PTER: variants seen among roughly 807,000 people sequenced by gnomAD.
The protein encoded by PTER is N-acetyltaurine hydrolase.
In PTER, 38 loss-of-function variants were observed where a neutral mutation model predicts 29.6. That is an observed-to-expected ratio of 1.28 (90% confidence interval 0.99 to 1.68). The LOEUF is 1.68. Ranked by LOEUF, PTER falls within the 40% of genes most tolerant of loss-of-function variation. PTER has a pLI of 0.00. For synonymous variants in PTER, 172 were observed against 154.5 expected (o/e 1.11, Z -0.84); for missense variants, 482 against 427.8 (o/e 1.13, Z -1.12).
At chr10:16,452,230 C>T (rs575927629) in intron 1 of PTER, among the ~76,000 whole-genome samples, 1,503 of 144,898 alleles carry the variant, frequency 0.01, 7 homozygotes, top group Admixed American at 0.016. Flanking sequence ...CATATATATA[C>T]ATATACATAT....
At chr10:16,453,364 A>G (rs1588587661) in intron 1 of PTER, among the ~76,000 whole-genome samples, 2 of 152,308 alleles carry the variant, frequency 1.3e-5, no homozygotes, top group South Asian at 4.1e-4. Context: ...ACAGACACAC[A>G]TATATACATA....
intron 1 of PTER, among the ~76,000 whole-genome samples, chr10:16,446,311 C>T (rs926414810): frequency 8.6e-5 from 13 of 151,850 alleles, no homozygotes; most frequent in African/African-American, 2.7e-4. Flanking sequence ...CACCACCTCC[C>T]GGGTTCAAGT....
chr10:16,511,433 G>C lies in PTER; in HGVS notation c.*177G>C, dbSNP rs1015866497. On this transcript the variant is annotated 3_prime_UTR_variant, in exon 5 of 5. Coordinates refer to ENST00000535784, the MANE Select transcript of PTER (RefSeq NM_001261836.2). ...ACCAGCTATTACAACTGTGCCTCTA[G>C]GGAGTTACTCAGCCTAATTGAGCCC... 6.5e-6 allele frequency: 4 copies of C among 616,592 alleles called. No individual in the cohort carries two copies. The highest frequency in any genetic ancestry group is 6.0e-5 in the South Asian group (3 of 50,174). 38.2% of individuals were successfully genotyped at this position (616,592 alleles called of 1,614,324 possible).
intron 1 of PTER, among the ~76,000 whole-genome samples, chr10:16,478,335 G>GTTTTTTT (rs34168657): frequency 1.4e-5 from 2 of 140,250 alleles, no homozygotes; most frequent in Non-Finnish European, 1.5e-5. Flanking sequence ...CCTCGTTTCC[G>GTTTTTTT]TTTTTTTTTT....
Position 16,486,262 on chromosome 10 carries a change from AAAAT to A in PTER, c.433-81_433-78del, listed in dbSNP as rs201338596. On this transcript the variant is annotated intron_variant, in intron 2 of 4. Coordinates refer to ENST00000535784, the MANE Select transcript of PTER (RefSeq NM_001261836.2). ...ATACATTTTTAAAAGAATGAATGAC[AAAAT>A]AAATAAATTCATTCACATACTGTGG... 697 of 1,326,566 alleles carry A rather than the reference AAAAT, an allele frequency of 5.3e-4. No homozygotes were observed. In the African/African-American group the frequency reaches 8.5e-3, roughly 16 times the overall value. 82.2% of individuals were successfully genotyped at this position (1,326,566 alleles called of 1,614,324 possible).
chr10:16,514,672 C>CT, downstream of PTER: 1 of 1,613,822 alleles, frequency 6.2e-7, no homozygotes. Flanking sequence ...AGTCGTAATT[C>CT]TGATCAGCAT....
rs1834211458 is a variant in PTER at position 16,451,613 on chromosome 10, G to A, written c.-49+14566G>A. Among the ~76,000 whole-genome samples, 3 of 152,182 alleles carry A rather than the reference G, an allele frequency of 2.0e-5. No homozygotes were observed. The South Asian group carries it at 6.2e-4, about 31-fold the overall frequency. ...TGTAATCCCAGCTACTCAGGAGGCTGAGGCAGGAGAATCACTTGAACCCGG... is the reference window on the plus strand; with the variant it reads ...TGTAATCCCAGCTACTCAGGAGGCTAAGGCAGGAGAATCACTTGAACCCGG... On this transcript the variant is annotated intron_variant, in intron 1 of 4. Transcript: ENST00000535784.
At chr10:16,483,798 G>A (rs1256393764) in intron 1 of PTER, among the ~76,000 whole-genome samples, 2 of 152,056 alleles carry the variant, frequency 1.3e-5, no homozygotes, top group Non-Finnish European at 2.9e-5. Flanking sequence ...GTTGCAGTGA[G>A]CTGAGATCGT....
At chr10:16,514,732 GATGCGTAA>G (rs1564416603), downstream of PTER, 1 of 1,569,078 alleles carries the variant, frequency 6.4e-7, no homozygotes, top group Admixed American at 1.8e-5. Flanking sequence ...CAAGAATTAG[GATGCGTAA>G]ATGAGAATTC....
At chr10:16,477,454 G>A (rs1282021536) in intron 1 of PTER, among the ~76,000 whole-genome samples, 1 of 152,160 alleles carries the variant, frequency 6.6e-6, no homozygotes, top group East Asian at 1.9e-4. Flanking sequence ...TGGGACTACA[G>A]GCGTGAGCTA....
intron 1 of PTER, among the ~76,000 whole-genome samples, chr10:16,462,130 C>T (rs576419187): frequency 8.9e-4 from 135 of 152,108 alleles, no homozygotes; most frequent in African/African-American, 3.1e-3. Flanking sequence ...GAATTACAGG[C>T]GCCTGCCACT....
chr10:16,484,377 C>T lies in PTER; in HGVS notation c.-8C>T, dbSNP rs760809965. 2 of 1,566,614 alleles carry T rather than the reference C, an allele frequency of 1.3e-6. No homozygotes were observed. The highest frequency in any genetic ancestry group is 1.7e-6 in the Non-Finnish European group (2 of 1,162,100). ...TTTTTAGAACATCTCTTGGTGGTACCATCAGAAATGTCTTCCTTAAGTGGA... is the reference window on the plus strand; with the variant it reads ...TTTTTAGAACATCTCTTGGTGGTACTATCAGAAATGTCTTCCTTAAGTGGA... On this transcript the variant is annotated 5_prime_UTR_variant, in exon 2 of 5. Coordinates refer to ENST00000535784, the MANE Select transcript of PTER (RefSeq NM_001261836.2).
At chr10:16,460,223 TA>T (rs1446943998) in intron 1 of PTER, among the ~76,000 whole-genome samples, 2 of 152,238 alleles carry the variant, frequency 1.3e-5, no homozygotes, top group Non-Finnish European at 2.9e-5. Flanking sequence ...TGGGTTAGCA[TA>T]GCCTCTTTTT....
intron 1 of PTER, among the ~76,000 whole-genome samples, chr10:16,477,775 T>C (rs1220545406): frequency 6.6e-6 from 1 of 152,214 alleles, no homozygotes; most frequent in Non-Finnish European, 1.5e-5. Context: ...GATGAAACTA[T>C]GAGAGGAATA....
At chr10:16,514,253 T>C (rs1836913274), downstream of PTER, 1 of 438,354 alleles carries the variant, frequency 2.3e-6, no homozygotes, top group Non-Finnish European at 4.0e-6. Context: ...TCTATAAAAA[T>C]TTGTGATCTA....
intron 1 of PTER, among the ~76,000 whole-genome samples, chr10:16,472,333 A>G (rs1428354293): frequency 6.6e-6 from 1 of 152,206 alleles, no homozygotes; most frequent in African/African-American, 2.4e-5. Flanking sequence ...GTCCCCACCC[A>G]CATCTCACCT....
At chr10:16,466,637 T>C (rs992136569) in intron 1 of PTER, among the ~76,000 whole-genome samples, 5 of 152,228 alleles carry the variant, frequency 3.3e-5, no homozygotes, top group Non-Finnish European at 7.3e-5. Context: ...CTTACAGGCA[T>C]GAGCCACTGC....
intron 1 of PTER, among the ~76,000 whole-genome samples, chr10:16,446,179 C>T (rs1834005030): frequency 6.6e-6 from 1 of 151,700 alleles, no homozygotes; most frequent in Non-Finnish European, 1.5e-5. Flanking sequence ...GGAGAAGGCT[C>T]TTACAAATAG....
chr10:16,505,352 C>G (rs1317844272), intron 4 of PTER, among the ~76,000 whole-genome samples, 192 bp downstream of exon 4: 2 of 152,010 alleles, frequency 1.3e-5, no homozygotes, highest in Non-Finnish European at 2.9e-5. Context: ...ATGAGTCATC[C>G]TAAGTAGGCT....
Sources: gnomAD v4.1 joint callset for allele counts (sites outside exome capture counted in the v4.1 genomes callset) on GRCh38, gnomAD v4.1.1 for gene constraint, MANE v1.5 for transcripts, NCBI Gene and HGNC (gene_info 2026-07-23, HGNC 2026-07-21) for gene names.